The following TTC7B variants were observed in gnomAD, a reference collection of about 807,000 sequenced individuals.
TTC7B encodes the protein tetratricopeptide repeat domain 7B.
A neutral mutation model predicts 106.8 loss-of-function variants in TTC7B; 28 were observed. That is an observed-to-expected ratio of 0.26 (90% CI 0.19 to 0.36). The LOEUF (loss-of-function observed/expected upper bound fraction) is 0.36. Ranked by LOEUF, TTC7B falls within the 10% of genes least tolerant of loss-of-function variation. The pLI, the probability that TTC7B is intolerant of heterozygous loss-of-function variation, is 1.00. For synonymous variants in TTC7B, 405 were observed against 430.6 expected (o/e 0.94, Z 0.74); for missense variants, 862 against 1,076.4 (o/e 0.80, Z 2.79).
At chr14:90,679,185 GAAGT>G (rs961988531) in intron 8 of TTC7B, among the ~76,000 whole-genome samples, 16 of 152,212 alleles carry the variant, frequency 1.1e-4, no homozygotes, top group African/African-American at 3.4e-4. Context: ...TCCTTGAGAG[GAAGT>G]AAGCCCAATG....
At chr14:90,700,111 C>G (rs1887927903) in intron 5 of TTC7B, among the ~76,000 whole-genome samples, 1 of 152,224 alleles carries the variant, frequency 6.6e-6, no homozygotes, top group Admixed American at 6.5e-5. Context: ...GCACTGCACT[C>G]TCTTAACTAG....
chr14:90,604,253 A>G (rs964458322), intron 17 of TTC7B, among the ~76,000 whole-genome samples: 1 of 152,240 alleles, frequency 6.6e-6, no homozygotes, highest in Admixed American at 6.5e-5. Context: ...CAATGTAAAG[A>G]ATTTTTCTAG....
intron 19 of TTC7B, 82 bp from the exon 20 acceptor site, chr14:90,541,671 G>C: frequency 8.5e-7 from 1 of 1,170,854 alleles, no homozygotes; most frequent in Non-Finnish European, 1.2e-6. Context: ...CGAGTTTCCA[G>C]TCAGTTCCTC....
intron 3 of TTC7B, among the ~76,000 whole-genome samples, chr14:90,760,243 G>C (rs1042159295): frequency 2.6e-5 from 4 of 152,150 alleles, no homozygotes; most frequent in Non-Finnish European, 5.9e-5. Context: ...GGCCTGGCAG[G>C]GGTGAGGGCA....
At chr14:90,726,434 G>A (rs190551435) in intron 5 of TTC7B, among the ~76,000 whole-genome samples, 323 of 152,246 alleles carry the variant, frequency 2.1e-3, no homozygotes, top group Non-Finnish European at 3.7e-3. Context: ...TGTCCGGCTC[G>A]GTCATCTACT....
Position 90,802,969 on chromosome 14 carries a change from T to TTA in TTC7B, c.121+13205_121+13206insTA, listed in dbSNP as rs1555401066. ...CAACATGGTGAAACCCCATCTCTGCTAAAAAAAAAAAAAAATACAAAAAAT... is the reference window on the plus strand; with the variant it reads ...CAACATGGTGAAACCCCATCTCTGCTTAAAAAAAAAAAAAAAATACAAAAAAT... On this transcript the variant is annotated intron_variant, in intron 1 of 19. Coordinates refer to ENST00000328459, the MANE Select transcript of TTC7B (RefSeq NM_001010854.2). This position sits in a 1 kb window ranked among gnomAD's most constrained non-coding sequence, Gnocchi z 4.7. Among the ~76,000 whole-genome samples the TTA allele has an allele frequency of 7.1e-6, 1 of 141,490 alleles. No individual in the cohort carries two copies. The highest frequency in any genetic ancestry group is 1.5e-5 in the Non-Finnish European group (1 of 65,422). The allele number at this position is 141,490 out of a possible 152,430, so 92.8% of individuals were successfully genotyped here.
At chr14:90,651,587 G>C (rs1340964947) in intron 13 of TTC7B, among the ~76,000 whole-genome samples, 6 of 152,334 alleles carry the variant, frequency 3.9e-5, no homozygotes, top group African/African-American at 1.4e-4. Context: ...ACTAGGACTG[G>C]AGAATTTAAA....
chr14:90,713,694 C>T (rs929474413), intron 5 of TTC7B, among the ~76,000 whole-genome samples: 2 of 152,146 alleles, frequency 1.3e-5, no homozygotes, highest in African/African-American at 4.8e-5. Flanking sequence ...TGAATCTACC[C>T]AAGGGAAGTG....
chr14:90,745,168 T>C (rs1370746098), intron 3 of TTC7B, among the ~76,000 whole-genome samples: 1 of 151,944 alleles, frequency 6.6e-6, no homozygotes, highest in Non-Finnish European at 1.5e-5. Flanking sequence ...TGGTGGCACC[T>C]ACCTGTGATC....
chr14:90,605,728 A>G (rs886927549), intron 17 of TTC7B: 1 of 1,284,920 alleles, frequency 7.8e-7, no homozygotes, highest in East Asian at 5.6e-5. Flanking sequence ...GGTTCTTGAA[A>G]GAGGAGAGGA....
chr14:90,753,835 G>C (rs1890206939), intron 3 of TTC7B, among the ~76,000 whole-genome samples: 1 of 152,216 alleles, frequency 6.6e-6, no homozygotes, highest in Non-Finnish European at 1.5e-5. Flanking sequence ...AAAAGAAGAG[G>C]ATGCCAGCCT....
At chr14:90,734,070 C>T (rs764719445) in intron 4 of TTC7B, among the ~76,000 whole-genome samples, 2 of 152,054 alleles carry the variant, frequency 1.3e-5, no homozygotes, top group Non-Finnish European at 2.9e-5. Context: ...TTCTTAACAT[C>T]GTTTTATAAA....
chr14:90,799,782 G>A (rs2030133522), intron 1 of TTC7B, among the ~76,000 whole-genome samples: 1 of 152,156 alleles, frequency 6.6e-6, no homozygotes, highest in Non-Finnish European at 1.5e-5. Flanking sequence ...GCAATTGGGA[G>A]TCTGAAGGTT....
At chr14:90,764,916 A>C (rs1890622936) in intron 3 of TTC7B, among the ~76,000 whole-genome samples, 2 of 152,196 alleles carry the variant, frequency 1.3e-5, no homozygotes, top group African/African-American at 4.8e-5. Context: ...TTACCATGTA[A>C]TCCAATAATC....
At chr14:90,650,976 C>G (rs573314969) in intron 13 of TTC7B, among the ~76,000 whole-genome samples, 1 of 152,330 alleles carries the variant, frequency 6.6e-6, no homozygotes, top group Non-Finnish European at 1.5e-5. Context: ...TAAGAGTTAA[C>G]TTTCTTGTGC....
intron 5 of TTC7B, among the ~76,000 whole-genome samples, chr14:90,702,350 G>A (rs907592611): frequency 6.6e-6 from 1 of 152,028 alleles, no homozygotes; most frequent in African/African-American, 2.4e-5. Flanking sequence ...AGTAACAACT[G>A]TACCCACCTC....
In TTC7B at chr14:90,607,395, T is replaced by TA. The variant is rs199869020; in HGVS notation, c.1966+3346dup. Among the ~76,000 whole-genome samples, 854 of 152,264 alleles carry TA rather than the reference T, an allele frequency of 5.6e-3. 5 individuals are homozygous for TA. Among genetic ancestry groups the TA allele is most frequent in the Admixed American group, 7.4e-3 (113 of 15,304 alleles). On this transcript the variant is annotated intron_variant, in intron 17 of 19. Coordinates refer to ENST00000328459, the MANE Select transcript of TTC7B (RefSeq NM_001010854.2). ...GCTTGTGTCGGACGCCTGTGCCCTT[T>TA]AAAGGGGACTTAGAAAAGCAGTTAA... is the stretch of plus-strand genomic sequence containing the variant.
chr14:90,550,039 C>T (rs1890010065), intron 19 of TTC7B, among the ~76,000 whole-genome samples: 2 of 152,196 alleles, frequency 1.3e-5, no homozygotes, highest in South Asian at 4.1e-4. Flanking sequence ...GGTTAAGTCA[C>T]ATATCCCTGA....
At chr14:90,572,906 G>T (rs1367168035) in intron 19 of TTC7B, among the ~76,000 whole-genome samples, 6 of 152,092 alleles carry the variant, frequency 3.9e-5, no homozygotes, top group Non-Finnish European at 8.8e-5. Context: ...TGAGGCACAT[G>T]GCCCCCAGCG....
Sources: allele counts gnomAD v4.1 joint callset (sites outside exome capture counted in the v4.1 genomes callset), GRCh38; gene constraint gnomAD v4.1.1; non-coding constraint Gnocchi (gnomAD v3.1); transcripts MANE v1.5; gene names NCBI Gene and HGNC (gene_info 2026-07-23, HGNC 2026-07-21).